The following MEI4 variants were observed in gnomAD, a reference collection of about 807,000 sequenced individuals.
MEI4 encodes meiotic double-stranded break formation protein 4.
A neutral mutation model predicts 31.4 loss-of-function variants in MEI4; 27 were observed. The observed-to-expected ratio is 0.86, with a 90% CI of 0.63 to 1.19. The LOEUF is 1.19. Among genes scored for constraint, MEI4 ranks in the 50% most tolerant of loss-of-function variants. The pLI, the probability that MEI4 is intolerant of heterozygous loss-of-function variation, is 0.00. For missense variants in MEI4, 329 were observed against 398.9 expected (o/e 0.82, Z 1.49); for synonymous variants, 122 against 145.4 (o/e 0.84, Z 1.16).
At chr6:77,771,415 T>C (rs1204876918) in intron 3 of MEI4, among the ~76,000 whole-genome samples, 1 of 152,038 alleles carries the variant, frequency 6.6e-6, no homozygotes, top group East Asian at 1.9e-4. Context: ...ATTACTATTT[T>C]ACCTGGAAAT....
intron 2 of MEI4, among the ~76,000 whole-genome samples, chr6:77,698,383 C>T (rs1025616171): frequency 3.9e-5 from 6 of 152,156 alleles, no homozygotes; most frequent in African/African-American, 1.4e-4. Flanking sequence ...TACATTTTGG[C>T]AGGTTTTTGC....
chr6:77,894,579 TTTTAA>T (rs1474491083), intron 4 of MEI4, among the ~76,000 whole-genome samples: 1 of 152,196 alleles, frequency 6.6e-6, no homozygotes, highest in African/African-American at 2.4e-5. Context: ...ATATGATGCC[TTTTAA>T]TTTCTTTGAG....
chr6:77,677,874 CT>C (rs753449090), intron 1 of MEI4, among the ~76,000 whole-genome samples: 7 of 152,016 alleles, frequency 4.6e-5, no homozygotes, highest in Non-Finnish European at 1.0e-4. Context: ...TAATTATTTT[CT>C]TTTATTTTCT....
chr6:77,710,064 CT>C (rs1766423637), intron 2 of MEI4, among the ~76,000 whole-genome samples: 1 of 152,160 alleles, frequency 6.6e-6, no homozygotes, highest in Admixed American at 6.5e-5. Flanking sequence ...GTGATTTATA[CT>C]TTTCTAGTCC....
Position 77,925,965 on chromosome 6 carries a change from A to G in MEI4, c.*2619A>G, listed in dbSNP as rs1172081422. On this transcript the variant is annotated 3_prime_UTR_variant, in exon 5 of 5. Transcript: ENST00000684080. ...CAGCACCTGTAATGAGAAAGGTACG[A>G]TTATTTCCTGAATCTGTATTTTAGA... 6.6e-6 allele frequency: 1 copy of G among 151,716 alleles called. No homozygotes were observed. The highest frequency in any genetic ancestry group is 1.5e-5 in the Non-Finnish European group (1 of 67,868). The allele number at this position is 151,716 out of a possible 1,614,324, so 9.4% of individuals were successfully genotyped here.
At chr6:77,853,702 T>C (rs1770685555) in intron 4 of MEI4, among the ~76,000 whole-genome samples, 1 of 152,204 alleles carries the variant, frequency 6.6e-6, no homozygotes, top group African/African-American at 2.4e-5. Flanking sequence ...ATATGGCCTG[T>C]ATCCCCTCAC....
rs528861245 is a variant in MEI4, at chr6:77,730,299, T to TA, written c.233-30830dup. Among the ~76,000 whole-genome samples, 37 of 152,290 alleles carry TA rather than the reference T, an allele frequency of 2.4e-4. No homozygotes were observed. The East Asian group carries it at 6.6e-3, about 27-fold the overall frequency. ...GAAATTATGCAGGTGGATTCACTGT[T>TA]ACACTTTGTAGCAGATTGTATCACC... On this transcript the variant is annotated intron_variant, in intron 2 of 4. Transcript: ENST00000684080.
intron 1 of MEI4, among the ~76,000 whole-genome samples, chr6:77,678,731 A>T (rs998838855): frequency 1.3e-5 from 2 of 151,990 alleles, no homozygotes; most frequent in Non-Finnish European, 2.9e-5. Flanking sequence ...TAAAAAAAAA[A>T]GATAATTGCA....
rs950114514 is a variant in MEI4 at position 77,916,357 on chromosome 6, C to T, written c.901-6732C>T. The stretch of plus-strand genomic sequence containing the variant: ...TTGTGTCCTTAGTTTGATATCTGAA[C>T]ATCTGGTATATCAGTTGCTTTTCCC... On this transcript the variant is annotated intron_variant, in intron 4 of 4. Transcript: ENST00000684080. 2.0e-5 allele frequency among the ~76,000 whole-genome samples: 3 copies of T among 151,994 alleles called. No homozygotes were observed. In the South Asian group the frequency reaches 6.2e-4, roughly 32 times the overall value.
At chr6:77,886,772 C>T (rs538188637) in intron 4 of MEI4, among the ~76,000 whole-genome samples, 15 of 152,080 alleles carry the variant, frequency 9.9e-5, no homozygotes, top group Non-Finnish European at 1.8e-4. Flanking sequence ...TTTAATGGGG[C>T]TTTGTATTTC....
At chr6:77,658,487 A>G (rs1198177154) in intron 1 of MEI4, among the ~76,000 whole-genome samples, 1 of 152,146 alleles carries the variant, frequency 6.6e-6, no homozygotes, top group East Asian at 1.9e-4. Context: ...TAAGAAAAAT[A>G]AAACAAAATA....
intron 4 of MEI4, among the ~76,000 whole-genome samples, chr6:77,902,410 A>G (rs1766204060): frequency 6.6e-6 from 1 of 152,096 alleles, no homozygotes; most frequent in African/African-American, 2.4e-5. Flanking sequence ...TTTTTAATGT[A>G]TAGTTTTTTC....
At chr6:77,675,315 C>G (rs951423879) in intron 1 of MEI4, among the ~76,000 whole-genome samples, 1 of 152,066 alleles carries the variant, frequency 6.6e-6, no homozygotes, top group Non-Finnish European at 1.5e-5. Context: ...CTTGCCTAGG[C>G]TGTGGCTTAC....
intron 4 of MEI4, among the ~76,000 whole-genome samples, chr6:77,869,590 G>A (rs955278712): frequency 6.6e-6 from 1 of 152,098 alleles, no homozygotes; most frequent in Non-Finnish European, 1.5e-5. Context: ...CAGCATCTTG[G>A]TCTTGGGCTT....
At chr6:77,669,807 C>T (rs554904212) in intron 1 of MEI4, among the ~76,000 whole-genome samples, 49 of 152,300 alleles carry the variant, frequency 3.2e-4, no homozygotes, top group African/African-American at 1.1e-3. Context: ...TTGTTATTAG[C>T]CTCATTTCAG....
At chr6:77,900,436 A>G (rs1162873144) in intron 4 of MEI4, among the ~76,000 whole-genome samples, 5 of 152,060 alleles carry the variant, frequency 3.3e-5, no homozygotes, top group Non-Finnish European at 5.9e-5. Context: ...CTATTATGGG[A>G]AAGAAAGACA....
At chr6:77,706,566 T>C (rs555934886) in intron 2 of MEI4, among the ~76,000 whole-genome samples, 1 of 152,278 alleles carries the variant, frequency 6.6e-6, no homozygotes, top group African/African-American at 2.4e-5. Flanking sequence ...GTTAACCTGT[T>C]GATATGGTTT....
At chr6:77,731,160 G>T (rs965230498) in intron 2 of MEI4, among the ~76,000 whole-genome samples, 4 of 151,630 alleles carry the variant, frequency 2.6e-5, no homozygotes, top group African/African-American at 7.3e-5. Context: ...GGATGGCTGG[G>T]TCAAATGGTA....
At chr6:77,742,634 A>T (rs1173524858) in intron 2 of MEI4, among the ~76,000 whole-genome samples, 1 of 152,090 alleles carries the variant, frequency 6.6e-6, no homozygotes, top group East Asian at 1.9e-4. Flanking sequence ...GTTAGATCCC[A>T]TTTGTCAATT....
Sources: gnomAD v4.1 joint callset for allele counts (sites outside exome capture counted in the v4.1 genomes callset) on GRCh38, gnomAD v4.1.1 for gene constraint, MANE v1.5 for transcripts, NCBI Gene and HGNC (gene_info 2026-07-23, HGNC 2026-07-21) for gene names.